The following ATP6V0D2 variants were observed in gnomAD, a reference collection of about 807,000 sequenced individuals.
ATP6V0D2 encodes V-type proton ATPase subunit d 2.
Under a neutral mutation model 40.0 loss-of-function variants are expected in ATP6V0D2, and 40 were observed. The ratio of observed to expected loss-of-function variants is 1.00; its 90% CI spans 0.78 to 1.30. The LOEUF is 1.30. Among genes scored for constraint, ATP6V0D2 ranks in the 50% most tolerant of loss-of-function variants. The pLI, the probability that ATP6V0D2 is intolerant of heterozygous loss-of-function variation, is 0.00. For missense variants in ATP6V0D2, 470 were observed against 423.1 expected (o/e 1.11, Z -0.97); for synonymous variants, 179 against 156.3 (o/e 1.15, Z -1.08).
At chr8:86,151,978 G>T (rs758154475) in intron 7 of ATP6V0D2, among the ~76,000 whole-genome samples, 1 of 151,954 alleles carries the variant, frequency 6.6e-6, no homozygotes, top group Non-Finnish European at 1.5e-5. Flanking sequence ...AGAATGTGCA[G>T]GTTTTGTTAT....
At chr8:86,143,501 T>A (rs1013254219) in intron 5 of ATP6V0D2, among the ~76,000 whole-genome samples, 1 of 152,172 alleles carries the variant, frequency 6.6e-6, no homozygotes, top group African/African-American at 2.4e-5. Flanking sequence ...ATTATTCATG[T>A]CTCCCCTTTT....
chr8:86,099,183 G>C, intron 1 of ATP6V0D2, 75 bp downstream of exon 1: 1 of 1,439,814 alleles, frequency 6.9e-7, no homozygotes, highest in Non-Finnish European at 9.2e-7. Context: ...GAAGCATGGA[G>C]AAAAAAAGCC....
chr8:86,126,236 C>CTATATATATACATATATATATATATA (rs1818740669), intron 2 of ATP6V0D2, among the ~76,000 whole-genome samples: 1 of 77,120 alleles, frequency 1.3e-5, no homozygotes, highest in Non-Finnish European at 2.9e-5. Flanking sequence ...CGTGCTCAGC[C>CTATATATATACATATATATATATATA]TATATATATA....
At chr8:86,102,925 A>T (rs1183205567) in intron 1 of ATP6V0D2, among the ~76,000 whole-genome samples, 1 of 152,248 alleles carries the variant, frequency 6.6e-6, no homozygotes, top group African/African-American at 2.4e-5. Flanking sequence ...AGCATATTTT[A>T]AAAACTAACA....
intron 2 of ATP6V0D2, among the ~76,000 whole-genome samples, chr8:86,134,344 T>C (rs1818867973): frequency 6.6e-6 from 1 of 151,894 alleles, no homozygotes; most frequent in African/African-American, 2.4e-5. Flanking sequence ...AAGGAAATGA[T>C]AAAAAGAGTA....
intron 1 of ATP6V0D2, among the ~76,000 whole-genome samples, chr8:86,100,139 C>T (rs1008236430): frequency 6.6e-6 from 1 of 151,916 alleles, no homozygotes; most frequent in Non-Finnish European, 1.5e-5. Flanking sequence ...TGACCTGTGG[C>T]TCCAAGCCTC....
At position 86,108,286 on chromosome 8, in the gene ATP6V0D2, A is replaced by T. The variant is rs144910164; in HGVS notation, c.131-5423A>T. Among the ~76,000 whole-genome samples the T allele has an allele frequency of 2.6e-5, 4 of 152,216 alleles. No homozygotes were observed. The East Asian group carries it at 7.7e-4, about 29-fold the overall frequency. Reference sequence around the variant, plus strand: ...CTTCCTGAGTATGGGGACCACAGGCATGTGCCACCACACCCAGCTAACTTT... The same window carrying T: ...CTTCCTGAGTATGGGGACCACAGGCTTGTGCCACCACACCCAGCTAACTTT... On this transcript the variant is annotated intron_variant, in intron 1 of 7. Coordinates refer to ENST00000285393, the MANE Select transcript of ATP6V0D2 (RefSeq NM_152565.1).
intron 2 of ATP6V0D2, 28 bp downstream of exon 2, chr8:86,113,908 G>A (rs1301891158): frequency 2.5e-6 from 4 of 1,592,628 alleles, no homozygotes; most frequent in Non-Finnish European, 3.4e-6. Flanking sequence ...GCCCTAATAA[G>A]CCCCAATGTA....
At chr8:86,118,220 C>T (rs571075489) in intron 2 of ATP6V0D2, among the ~76,000 whole-genome samples, 1 of 138,982 alleles carries the variant, frequency 7.2e-6, no homozygotes, top group Non-Finnish European at 1.6e-5. Context: ...GCCACCACGC[C>T]CAGCTAATTT....
At chr8:86,130,495 T>G (rs1234752111) in intron 2 of ATP6V0D2, among the ~76,000 whole-genome samples, 1 of 151,478 alleles carries the variant, frequency 6.6e-6, no homozygotes, top group Non-Finnish European at 1.5e-5. Context: ...CAAAACAGAG[T>G]TTTTCTAATC....
At chr8:86,108,713 C>T (rs574455237) in intron 1 of ATP6V0D2, among the ~76,000 whole-genome samples, 1 of 152,146 alleles carries the variant, frequency 6.6e-6, no homozygotes, top group African/African-American at 2.4e-5. Context: ...GGGTTACAAG[C>T]ATCAGCCACC....
intron 4 of ATP6V0D2, 148 bp from the exon 5 acceptor site, chr8:86,142,729 C>T (rs1818992135): frequency 9.9e-6 from 5 of 505,686 alleles, no homozygotes; most frequent in Non-Finnish European, 1.7e-5. Context: ...GTGAAAGCTT[C>T]TACCAAATTT....
chr8:86,114,995 C>G (rs191745603), intron 2 of ATP6V0D2, among the ~76,000 whole-genome samples: 1 of 152,100 alleles, frequency 6.6e-6, no homozygotes, highest in East Asian at 1.9e-4. Context: ...AAAGATTAGT[C>G]AAAGGGGAAC....
intron 2 of ATP6V0D2, among the ~76,000 whole-genome samples, chr8:86,130,115 G>T (rs1410741611): frequency 6.6e-6 from 1 of 151,818 alleles, no homozygotes. Context: ...TATTCTAATA[G>T]CTAAGTCCAA....
At chr8:86,134,493 T>C (rs533124902) in intron 2 of ATP6V0D2, among the ~76,000 whole-genome samples, 272 of 152,326 alleles carry the variant, frequency 1.8e-3, no homozygotes, top group Non-Finnish European at 2.1e-3. Flanking sequence ...TCTGATGTGG[T>C]TCTCGATATA....
intron 2 of ATP6V0D2, among the ~76,000 whole-genome samples, chr8:86,129,075 AT>A (rs1265360988): frequency 5.9e-5 from 9 of 152,346 alleles, no homozygotes; most frequent in African/African-American, 1.9e-4. Flanking sequence ...CTAACAGTGT[AT>A]GTCCTCCTTT....
chr8:86,105,734 T>A (rs1586084603), intron 1 of ATP6V0D2, among the ~76,000 whole-genome samples: 1 of 149,672 alleles, frequency 6.7e-6, no homozygotes, highest in Admixed American at 6.8e-5. Flanking sequence ...CCTGCCTCAG[T>A]CTCCCGAGTA....
At chr8:86,108,474 G>GT (rs1268187200) in intron 1 of ATP6V0D2, among the ~76,000 whole-genome samples, 11 of 152,178 alleles carry the variant, frequency 7.2e-5, no homozygotes, top group African/African-American at 2.7e-4. Flanking sequence ...ACCTGAAAGC[G>GT]TAGACTATAT....
intron 1 of ATP6V0D2, among the ~76,000 whole-genome samples, chr8:86,100,785 C>T (rs1205905774): frequency 6.6e-6 from 1 of 151,226 alleles, no homozygotes; most frequent in East Asian, 1.9e-4. Flanking sequence ...ATTTAGTTTT[C>T]AGCCAAGCTC....
Sources: allele counts gnomAD v4.1 joint callset (sites outside exome capture counted in the v4.1 genomes callset), GRCh38; gene constraint gnomAD v4.1.1; transcripts MANE v1.5; gene names NCBI Gene and HGNC (gene_info 2026-07-23, HGNC 2026-07-21).